HS6ST1: variants seen among roughly 807,000 people sequenced by gnomAD.
HS6ST1 encodes heparan sulfate 6-O-sulfotransferase 1.
HS6ST1 carries 3 observed loss-of-function variants against 25.2 expected under a neutral mutation model. That is an observed-to-expected ratio of 0.12 (90% CI 0.05 to 0.31). The LOEUF is 0.31. Ranked by LOEUF, HS6ST1 falls within the 10% of genes least tolerant of loss-of-function variation. HS6ST1 has a pLI of 1.00. For synonymous variants in HS6ST1, 204 were observed against 275.1 expected, an observed-to-expected ratio of 0.74 and a Z score of 2.56; for missense variants, 310 against 609.6, an observed-to-expected ratio of 0.51 and a Z score of 5.18.
At position 128,272,470 on chromosome 2, in the gene HS6ST1, G is replaced by A. The variant is rs888954153; in HGVS notation, c.528-3600C>T. Among the ~76,000 whole-genome samples the A allele has an allele frequency of 3.9e-5, 6 of 152,224 alleles. No homozygotes were observed. The East Asian group carries it at 5.8e-4, about 15-fold the overall frequency. On this transcript the variant is annotated intron_variant, in intron 1 of 1. Coordinates refer to ENST00000259241, the MANE Select transcript of HS6ST1 (RefSeq NM_004807.3). Reference sequence around the variant, plus strand: ...GCTCTAGTAGCCCCAGATGGCACGCGACCTACTGACCATCACGGGTGGGGG... The same window carrying A: ...GCTCTAGTAGCCCCAGATGGCACGCAACCTACTGACCATCACGGGTGGGGG...
intron 1 of HS6ST1, among the ~76,000 whole-genome samples, chr2:128,306,272 T>A (rs1283187406): frequency 6.6e-6 from 1 of 152,124 alleles, no homozygotes; most frequent in Non-Finnish European, 1.5e-5. Context: ...TTTCCCTCCA[T>A]CAACTGTGGT....
intron 1 of HS6ST1, among the ~76,000 whole-genome samples, chr2:128,278,922 C>A (rs967946617): frequency 3.3e-5 from 5 of 152,138 alleles, no homozygotes; most frequent in African/African-American, 1.2e-4. Context: ...ATAACATTTT[C>A]TTTATATATT....
intron 1 of HS6ST1, 135 bp downstream of exon 1, chr2:128,317,902 G>A (rs1694398290): frequency 2.8e-6 from 3 of 1,069,492 alleles, no homozygotes; most frequent in Non-Finnish European, 3.7e-6. Flanking sequence ...GGTCGGGAGG[G>A]GTGCCGGCGA....
At chr2:128,306,749 C>T (rs1031481088) in intron 1 of HS6ST1, among the ~76,000 whole-genome samples, 8 of 151,994 alleles carry the variant, frequency 5.3e-5, no homozygotes, top group Non-Finnish European at 7.4e-5. Flanking sequence ...GGGCTACCAC[C>T]CCCATGCTCC....
intron 1 of HS6ST1, among the ~76,000 whole-genome samples, chr2:128,299,085 G>A (rs1694082565): frequency 6.6e-6 from 1 of 152,258 alleles, no homozygotes; most frequent in African/African-American, 2.4e-5. Context: ...AAACACACCT[G>A]GACGTGGCCC....
intron 1 of HS6ST1, among the ~76,000 whole-genome samples, chr2:128,299,322 C>T (rs1027583094): frequency 6.6e-6 from 1 of 152,252 alleles, no homozygotes; most frequent in Non-Finnish European, 1.5e-5. Flanking sequence ...GACACAGGCC[C>T]ATCAGCAGGA....
At chr2:128,306,481 G>A (rs980571526) in intron 1 of HS6ST1, among the ~76,000 whole-genome samples, 4 of 152,202 alleles carry the variant, frequency 2.6e-5, no homozygotes, top group Non-Finnish European at 4.4e-5. Flanking sequence ...GGTCACCAAT[G>A]CTCTAGAGAG....
At chr2:128,307,020 T>C (rs1231628769) in intron 1 of HS6ST1, among the ~76,000 whole-genome samples, 1 of 148,216 alleles carries the variant, frequency 6.7e-6, no homozygotes, top group Non-Finnish European at 1.5e-5. Flanking sequence ...AGATTTTCAC[T>C]GGGAGTTGGG....
chr2:128,306,789 A>G (rs1024387387), intron 1 of HS6ST1, among the ~76,000 whole-genome samples: 8 of 152,128 alleles, frequency 5.3e-5, no homozygotes, highest in African/African-American at 1.9e-4. Flanking sequence ...AGCTTTATCC[A>G]TACAGCAGTG....
intron 1 of HS6ST1, among the ~76,000 whole-genome samples, chr2:128,306,792 C>T (rs970574823): frequency 2.6e-5 from 4 of 152,176 alleles, no homozygotes; most frequent in African/African-American, 9.7e-5. Flanking sequence ...TTTATCCATA[C>T]AGCAGTGCCC....
At chr2:128,273,058 G>A (rs1160422689) in intron 1 of HS6ST1, among the ~76,000 whole-genome samples, 2 of 152,194 alleles carry the variant, frequency 1.3e-5, no homozygotes, top group African/African-American at 2.4e-5. Flanking sequence ...TAACCCTTCT[G>A]GACCAAGGCC....
chr2:128,288,533 C>T (rs1693901191), intron 1 of HS6ST1, among the ~76,000 whole-genome samples: 1 of 152,192 alleles, frequency 6.6e-6, no homozygotes, highest in Non-Finnish European at 1.5e-5. Flanking sequence ...TGGGTACAGC[C>T]TGATGCCAAC....
At chr2:128,278,481 G>C (rs1693729790) in intron 1 of HS6ST1, among the ~76,000 whole-genome samples, 1 of 152,214 alleles carries the variant, frequency 6.6e-6, no homozygotes, top group South Asian at 2.1e-4. Flanking sequence ...GCTGGCCCTG[G>C]AGGGAAGGGC....
chr2:128,290,480 C>T (rs1693934675), intron 1 of HS6ST1, among the ~76,000 whole-genome samples: 1 of 152,048 alleles, frequency 6.6e-6, no homozygotes, highest in African/African-American at 2.4e-5. Flanking sequence ...CTTATCAAAT[C>T]CAACCCAATT....
rs533917446 is a variant in HS6ST1, at chr2:128,266,150, G to A, written c.*2012C>T. The A allele has an allele frequency of 5.3e-5, 8 of 152,108 alleles. No homozygotes were observed. The highest frequency in any genetic ancestry group is 3.9e-4 in the Admixed American group (6 of 15,278). The allele number at this position is 152,108 out of a possible 1,614,324, so 9.4% of individuals were successfully genotyped here. ...CCCAGGAAGCCCATGGTGAAGGTGAGGTCACCTTGAGCCAGGCCTCTGGCT... is the reference window on the plus strand; with the variant it reads ...CCCAGGAAGCCCATGGTGAAGGTGAAGTCACCTTGAGCCAGGCCTCTGGCT... On this transcript the variant is annotated 3_prime_UTR_variant, in exon 2 of 2. Transcript: ENST00000259241.
At chr2:128,274,674 C>T (rs1037541547) in intron 1 of HS6ST1, among the ~76,000 whole-genome samples, 1 of 152,044 alleles carries the variant, frequency 6.6e-6, no homozygotes, top group African/African-American at 2.4e-5. Flanking sequence ...GGGACAGAAG[C>T]TCTAGGAAAA....
intron 1 of HS6ST1, among the ~76,000 whole-genome samples, chr2:128,313,265 GA>G (rs534861529): frequency 2.6e-5 from 4 of 152,276 alleles, no homozygotes; most frequent in Admixed American, 2.6e-4. Context: ...GAGCTATGCA[GA>G]ACATTTACAC....
chr2:128,299,081 A>G (rs1176991448), intron 1 of HS6ST1, among the ~76,000 whole-genome samples: 1 of 152,190 alleles, frequency 6.6e-6, no homozygotes, highest in Non-Finnish European at 1.5e-5. Flanking sequence ...GCAGAAACAC[A>G]CCTGGACGTG....
At chr2:128,274,055 C>T (rs1170406855) in intron 1 of HS6ST1, among the ~76,000 whole-genome samples, 1 of 152,192 alleles carries the variant, frequency 6.6e-6, no homozygotes, top group African/African-American at 2.4e-5. Context: ...GTCTTCCCTG[C>T]ACTGACACCT....
Sources: allele counts gnomAD v4.1 joint callset (sites outside exome capture counted in the v4.1 genomes callset), GRCh38; gene constraint gnomAD v4.1.1; transcripts MANE v1.5; gene names NCBI Gene and HGNC (gene_info 2026-07-23, HGNC 2026-07-21).